Variants in ADAM17 observed in about 807,000 individuals in gnomAD.
The protein encoded by ADAM17 is disintegrin and metalloproteinase domain-containing protein 17.
Under a neutral mutation model 96.7 loss-of-function variants are expected in ADAM17, and 39 were observed. That is an observed-to-expected ratio of 0.40 (90% CI 0.31 to 0.53). The LOEUF (loss-of-function observed/expected upper bound fraction) is 0.53, where lower values mean the gene tolerates loss of function less well. Ranked by LOEUF, ADAM17 falls within the 20% of genes least tolerant of loss-of-function variation. ADAM17 has a pLI of 0.44. For synonymous variants in ADAM17, 344 were observed against 359.2 expected, an observed-to-expected ratio of 0.96 and a Z score of 0.48; for missense variants, 777 against 1,013.2, an observed-to-expected ratio of 0.77 and a Z score of 3.17.
At chr2:9,534,688 T>C (rs1220116121) in intron 4 of ADAM17, among the ~76,000 whole-genome samples, 3 of 152,226 alleles carry the variant, frequency 2.0e-5, no homozygotes, top group African/African-American at 7.2e-5. Context: ...GGTATAACTA[T>C]ATTTATTTGT....
At chr2:9,543,386 C>A in intron 1 of ADAM17, 101 bp from the exon 2 acceptor site, 4 of 1,085,120 alleles carry the variant, frequency 3.7e-6, no homozygotes, top group Non-Finnish European at 4.9e-6. Flanking sequence ...CTGATGTAAT[C>A]CATTAGGAAG....
intron 1 of ADAM17, among the ~76,000 whole-genome samples, chr2:9,549,454 A>G (rs757174672): frequency 6.6e-6 from 1 of 152,214 alleles, no homozygotes; most frequent in Non-Finnish European, 1.5e-5. Flanking sequence ...TGGTATGTAT[A>G]TAACCGTCCC....
At chr2:9,504,993 C>T (rs918491527) in intron 12 of ADAM17, among the ~76,000 whole-genome samples, 173 bp downstream of exon 12, 25 of 152,070 alleles carry the variant, frequency 1.6e-4, no homozygotes, top group Admixed American at 1.6e-3. Context: ...AGTGAGCCAC[C>T]GTGCCAGGCC....
chr2:9,516,211 A>G (rs1664048273), intron 10 of ADAM17, among the ~76,000 whole-genome samples: 1 of 151,634 alleles, frequency 6.6e-6, no homozygotes, highest in South Asian at 2.1e-4. Context: ...CTTATTGTTG[A>G]ATTTTAACAG....
intron 17 of ADAM17, among the ~76,000 whole-genome samples, chr2:9,492,456 A>AC (rs1465269165): frequency 3.3e-5 from 5 of 152,336 alleles, no homozygotes; most frequent in African/African-American, 1.2e-4. Flanking sequence ...CCCAGTCCCT[A>AC]CATCCTATTT....
chr2:9,501,533 T>C (rs541613971), intron 13 of ADAM17, among the ~76,000 whole-genome samples: 2 of 152,312 alleles, frequency 1.3e-5, no homozygotes, highest in South Asian at 4.1e-4. Context: ...AGCTACCACT[T>C]GGTGACTTGT....
intron 10 of ADAM17, among the ~76,000 whole-genome samples, chr2:9,514,718 A>C (rs1663970869): frequency 6.6e-6 from 1 of 151,200 alleles, no homozygotes; most frequent in South Asian, 2.1e-4. Flanking sequence ...CTAAAAATAC[A>C]AAAAATTAGC....
rs189628828 is a variant in ADAM17, at chr2:9,510,621, G to A, written c.1192-490C>T. Reference sequence around the variant, plus strand: ...GGAGGTTGCAGTGAGCTGAGATCACGCCATTGCACTCCAGCCTGGGAGACA... The same window carrying A: ...GGAGGTTGCAGTGAGCTGAGATCACACCATTGCACTCCAGCCTGGGAGACA... On this transcript the variant is annotated intron_variant, in intron 10 of 18. Transcript: ENST00000310823. Among the ~76,000 whole-genome samples, 337 of 150,172 alleles carry A rather than the reference G, an allele frequency of 2.2e-3. 2 individuals are homozygous for A. The highest frequency in any genetic ancestry group is 7.7e-3 in the African/African-American group (312 of 40,756).
In ADAM17 at chr2:9,490,105, G is replaced by T; in HGVS notation, c.*72C>A. On this transcript the variant is annotated 3_prime_UTR_variant, in exon 19 of 19. Coordinates refer to ENST00000310823, the MANE Select transcript of ADAM17 (RefSeq NM_003183.6). ...ACTTCCCAGTCTTCACAAAATACAA[G>T]CTGTGATTGATTTGTAGGTCAAATC... is the stretch of plus-strand genomic sequence containing the variant. 7.5e-7 allele frequency: 1 copy of T among 1,327,800 alleles called. No individual in the cohort carries two copies. The highest frequency in any genetic ancestry group is 1.0e-6 in the Non-Finnish European group (1 of 981,682). 82.3% of individuals were successfully genotyped at this position (1,327,800 alleles called of 1,614,324 possible). A position where few individuals can be genotyped will look rare whatever the true frequency, so the allele number is the denominator to read the frequency against.
chr2:9,514,518 A>AATATATACATATATATAT (rs1663933756), intron 10 of ADAM17, among the ~76,000 whole-genome samples: 1 of 89,884 alleles, frequency 1.1e-5, no homozygotes, highest in African/African-American at 4.4e-5. Context: ...TTAAAATATA[A>AATATATACATATATATAT]ATATATATAT....
intron 17 of ADAM17, among the ~76,000 whole-genome samples, chr2:9,492,616 C>G (rs1662251210): frequency 6.6e-6 from 1 of 152,158 alleles, no homozygotes. Flanking sequence ...ATCAAAGGAC[C>G]TGGACAAATC....
At position 9,536,771 on chromosome 2, in the gene ADAM17, G is replaced by A. The variant is rs1558521994; in HGVS notation, c.288C>T (p.Val96=). The A allele has an allele frequency of 5.0e-6, 8 of 1,613,862 alleles. No individual in the cohort carries two copies. Among genetic ancestry groups the A allele is most frequent in the African/African-American group, 4.0e-5 (3 of 74,868 alleles). ...TTTCGTTTTTACCATCCACCACCAC[G>A]ACCTTGAAATTTTGTGAAAAACGTT... is the stretch of plus-strand genomic sequence containing the variant. ...STERFSQNFK[V]VVVDGKNESE... The change falls in exon 3 of 19, where the codon GTC becomes GTT. Residue 96 remains valine (V), a synonymous_variant. Transcript: ENST00000310823.
Position 9,518,159 on chromosome 2 carries a change from C to T in ADAM17, c.1046G>A (p.Gly349Glu), listed in dbSNP as rs1192348585. The T allele has an allele frequency of 6.2e-7, 1 of 1,605,276 alleles. No individual in the cohort carries two copies. Among genetic ancestry groups the T allele is most frequent in the Non-Finnish European group, 8.5e-7 (1 of 1,177,676 alleles). ...TCTGGGAGAGCCAACATAAGCTAAT[C>T]CAAGAGTTCCCATATCAAAATCTTG... Reference protein sequence around the residue: ...TYQDFDMGTLGLAYVGSPRAN... With the variant: ...TYQDFDMGTLELAYVGSPRAN... Residue 349 changes from glycine (G) to glutamate (E), a missense_variant, in exon 9 of 19, where the codon GGA becomes GAA. Coordinates refer to ENST00000310823, the MANE Select transcript of ADAM17 (RefSeq NM_003183.6).
chr2:9,541,667 C>T (rs1176465491), intron 2 of ADAM17, among the ~76,000 whole-genome samples: 1 of 152,194 alleles, frequency 6.6e-6, no homozygotes. Flanking sequence ...CTTTGCATAT[C>T]CTCCATGGCT....
At chr2:9,540,093 A>G (rs528966425) in intron 2 of ADAM17, among the ~76,000 whole-genome samples, 2 of 152,358 alleles carry the variant, frequency 1.3e-5, no homozygotes, top group East Asian at 3.9e-4. Context: ...GAAACTTGAA[A>G]GAGAAATATG....
intron 14 of ADAM17, among the ~76,000 whole-genome samples, chr2:9,495,025 A>G (rs1031347438): frequency 6.6e-6 from 1 of 152,176 alleles, no homozygotes; most frequent in African/African-American, 2.4e-5. Flanking sequence ...CCTCTCTTCA[A>G]AGTCTAACTA....
intron 7 of ADAM17, chr2:9,521,986 A>C (rs926706036): frequency 6.5e-6 from 1 of 153,264 alleles, no homozygotes; most frequent in African/African-American, 2.4e-5. Context: ...TTAGAAGCCC[A>C]CCATGATACA....
Position 9,526,261 on chromosome 2 carries a change from T to A in ADAM17, c.620-17A>T. The A allele has an allele frequency of 6.2e-7, 1 of 1,607,498 alleles. No homozygotes were observed. The highest frequency in any genetic ancestry group is 1.1e-5 in the South Asian group (1 of 89,458). ...GAACAAGCTCTAATATGAATTTGTA[T>A]GCACTATTAAATCAAAATTCACCAA... On this transcript the variant is annotated splice_polypyrimidine_tract_variant and intron_variant, in intron 5 of 18. Transcript: ENST00000310823.
intron 1 of ADAM17, among the ~76,000 whole-genome samples, chr2:9,553,576 G>T (rs764238352): frequency 2.0e-5 from 3 of 149,862 alleles, no homozygotes; most frequent in Non-Finnish European, 4.4e-5. Context: ...TTGGGAGGCT[G>T]AGGCAGGAGA....
Sources: allele counts gnomAD v4.1 joint callset (sites outside exome capture counted in the v4.1 genomes callset), GRCh38; gene constraint gnomAD v4.1.1; transcripts MANE v1.5; gene names NCBI Gene and HGNC (gene_info 2026-07-23, HGNC 2026-07-21).